The following FCSK variants were observed in gnomAD, a reference collection of about 807,000 sequenced individuals.
The protein encoded by FCSK is L-fucose kinase.
Under a neutral mutation model 122.5 loss-of-function variants are expected in FCSK, and 123 were observed. The observed-to-expected ratio is 1.00, with a 90% confidence interval of 0.87 to 1.17. The LOEUF (loss-of-function observed/expected upper bound fraction) is 1.17, where lower values mean the gene tolerates loss of function less well. Ranked by LOEUF, FCSK falls within the 50% of genes most tolerant of loss-of-function variation. The pLI is 0.00. For missense variants in FCSK, 1,366 were observed against 1,450.4 expected (o/e 0.94, Z 0.95); for synonymous variants, 620 against 625.5 (o/e 0.99, Z 0.13).
chr16:70,467,122 G>A (rs1024158009), intron 6 of FCSK, 168 bp downstream of exon 6: 21 of 705,352 alleles, frequency 3.0e-5, no homozygotes, highest in Non-Finnish European at 5.2e-5. Context: ...TTCTCCTGCT[G>A]TGCCTCAGTC....
chr16:70,468,689 A>G (rs1207165570), intron 8 of FCSK, among the ~76,000 whole-genome samples, 160 bp from the exon 9 acceptor site: 2 of 150,046 alleles, frequency 1.3e-5, no homozygotes, highest in African/African-American at 4.9e-5. Context: ...AGCTACCCCA[A>G]GTAAGCCTGG....
intron 13 of FCSK, among the ~76,000 whole-genome samples, chr16:70,471,677 C>T (rs2048625084): frequency 6.6e-6 from 1 of 152,120 alleles, no homozygotes; most frequent in African/African-American, 2.4e-5. Flanking sequence ...CAGCTCACTG[C>T]AATCTCTGCC....
At chr16:70,474,096 C>G (rs375662017) in intron 15 of FCSK, 33 bp from the exon 16 acceptor site, 51 of 1,542,132 alleles carry the variant, frequency 3.3e-5, no homozygotes, top group Non-Finnish European at 4.3e-5. Flanking sequence ...GACAGGCCTC[C>G]TCCCCTGCCA....
chr16:70,462,228 GC>G (rs1337996434), intron 1 of FCSK: 1 of 152,296 alleles, frequency 6.6e-6, no homozygotes, highest in Non-Finnish European at 1.5e-5. Flanking sequence ...GCTCACTGCA[GC>G]CTTAACCTCC....
chr16:70,474,496 C>T, intron 16 of FCSK, 32 bp from the exon 17 acceptor site: 1 of 1,545,990 alleles, frequency 6.5e-7, no homozygotes, highest in Non-Finnish European at 8.7e-7. Context: ...CTTGGGGCTG[C>T]ATGCCACCAT....
chr16:70,467,549 G>T, intron 7 of FCSK, 78 bp downstream of exon 7: 1 of 1,108,522 alleles, frequency 9.0e-7, no homozygotes. Flanking sequence ...CTGTCAGTGG[G>T]CAGCCTCTCA....
chr16:70,471,914 TC>T (rs1019231124), intron 13 of FCSK, among the ~76,000 whole-genome samples: 7 of 151,978 alleles, frequency 4.6e-5, no homozygotes, highest in South Asian at 2.1e-4. Flanking sequence ...CACGCCATTT[TC>T]CTGCCTCAGC....
chr16:70,479,359 C>A lies in FCSK; in HGVS notation c.3109C>A (p.Pro1037Thr), dbSNP rs370955883. 1.9e-5 allele frequency: 30 copies of A among 1,613,858 alleles called. No homozygotes were observed. Among genetic ancestry groups the A allele is most frequent in the Non-Finnish European group, 2.5e-5 (29 of 1,180,022 alleles). The change falls in exon 23 of 24, where the codon CCA becomes ACA. Residue 1037 changes from proline to threonine, a missense_variant. Physicochemically the swap from Pro to Thr is conservative, Grantham distance 38. Coordinates refer to ENST00000288078, the MANE Select transcript of FCSK (RefSeq NM_145059.3). The part of the protein sequence containing the change: ...GGFLYLLTKE[P>T]QQKEALEAVL... ...CTTTCTCTATCTGTTGACCAAGGAG[C>A]CACAGCAAAAGGAGGCCTTGGAGGC...
At chr16:70,462,771 A>C (rs2048306171) in intron 1 of FCSK, among the ~76,000 whole-genome samples, 1 of 151,412 alleles carries the variant, frequency 6.6e-6, no homozygotes. Context: ...CAGCCTCCCG[A>C]GTAGCTGGGA....
At position 70,478,446 on chromosome 16, in the gene FCSK, G is replaced by A. The variant is rs17886060; in HGVS notation, c.2816G>A (p.Arg939Gln). 0.014 allele frequency: 21,825 copies of A among 1,614,044 alleles called. 180 individuals are homozygous for A. The highest frequency in any genetic ancestry group is 0.015 in the Non-Finnish European group (18,240 of 1,180,028). The change falls in exon 21 of 24, where the codon CGG (arginine) becomes CAG (glutamine). Residue 939 changes from arginine (R) to glutamine (Q), a missense_variant. Coordinates refer to ENST00000288078, the MANE Select transcript of FCSK (RefSeq NM_145059.3). Reference protein sequence around the residue: ...LVYTGKTRLARNLLQDVLRSW... With the variant: ...LVYTGKTRLAQNLLQDVLRSW... ...TACACTGGCAAGACCCGCCTGGCTC[G>A]GAACCTGCTGCAGGTGAGCTCTGGC... is the stretch of plus-strand genomic sequence containing the variant.
intron 1 of FCSK, among the ~76,000 whole-genome samples, chr16:70,458,150 TC>T (rs1322360626): frequency 6.6e-6 from 1 of 150,766 alleles, no homozygotes; most frequent in African/African-American, 2.4e-5. Flanking sequence ...TAATTTTTTT[TC>T]TTTCTTTCTT....
chr16:70,471,325 C>T lies in FCSK; in HGVS notation c.1314C>T (p.Thr438=). 3.1e-6 allele frequency: 5 copies of T among 1,594,578 alleles called. No individual in the cohort carries two copies. The highest frequency in any genetic ancestry group is 4.3e-6 in the Non-Finnish European group (5 of 1,169,550). The change falls in exon 13 of 24, where the codon ACC becomes ACT. Residue 438 remains threonine (T), a synonymous_variant. Coordinates refer to ENST00000288078, the MANE Select transcript of FCSK (RefSeq NM_145059.3). ...ACGGCTCCCCGGGCCACGCCTTCAC[C>T]CTCGTTGGCCGTCTGGACAGCTGGG... is the stretch of plus-strand genomic sequence containing the variant. The part of the protein sequence containing the change: ...RLHGSPGHAF[T]LVGRLDSWER...
rs1254003563 is a variant in FCSK, at chr16:70,471,260, C to A, written c.1249C>A (p.Leu417Met). ...CTCCAAGGCCCTGCATGGCCGGGAGCTGCGTGACCTTGTCCTGCAGGGACA... is the reference window on the plus strand; with the variant it reads ...CTCCAAGGCCCTGCATGGCCGGGAGATGCGTGACCTTGTCCTGCAGGGACA... ...AHSKALHGRE[L>M]RDLVLQGHHT... The change falls in exon 13 of 24, where the codon CTG (leucine) becomes ATG (methionine). Residue 417 changes from leucine to methionine, a missense_variant. By Grantham distance (15) the Leu-to-Met change is conservative. Coordinates refer to ENST00000288078, the MANE Select transcript of FCSK (RefSeq NM_145059.3). 1 of 1,610,032 alleles carries A rather than the reference C, an allele frequency of 6.2e-7. No individual in the cohort carries two copies. The highest frequency in any genetic ancestry group is 1.1e-5 in the South Asian group (1 of 90,464).
At chr16:70,464,699 CAAAAAAA>C (rs774838734) in intron 3 of FCSK, among the ~76,000 whole-genome samples, 2 of 52,852 alleles carry the variant, frequency 3.8e-5, no homozygotes, top group African/African-American at 1.1e-4. Flanking sequence ...GACTGCATCT[CAAAAAAA>C]AAAAAAAAAA....
intron 19 of FCSK, 60 bp downstream of exon 19, chr16:70,475,553 G>T: frequency 6.3e-7 from 1 of 1,590,058 alleles, no homozygotes. Flanking sequence ...CCTTGCCTGT[G>T]ATCCCCCTTC....
chr16:70,468,833 T>C lies in FCSK; in HGVS notation c.664-16T>C. On this transcript the variant is annotated splice_polypyrimidine_tract_variant and intron_variant, in intron 8 of 23. Coordinates refer to ENST00000288078, the MANE Select transcript of FCSK (RefSeq NM_145059.3). ...CCAGGGCCCTCCATCTCTGATCCTT[T>C]TGGGGTCCCTTCCAGGTCTCTGGGG... is the stretch of plus-strand genomic sequence containing the variant. 5.6e-6 allele frequency: 9 copies of C among 1,613,856 alleles called. No homozygotes were observed. Among genetic ancestry groups the C allele is most frequent in the South Asian group, 1.1e-5 (1 of 91,072 alleles).
chr16:70,470,635 T>C (rs2048583553), intron 11 of FCSK, among the ~76,000 whole-genome samples: 1 of 152,208 alleles, frequency 6.6e-6, no homozygotes, highest in Non-Finnish European at 1.5e-5. Flanking sequence ...GGATTCTGCA[T>C]TGAGCTTGCC....
chr16:70,468,697 TG>T, intron 8 of FCSK, 151 bp from the exon 9 acceptor site: 1 of 915,096 alleles, frequency 1.1e-6, no homozygotes, highest in Non-Finnish European at 1.7e-6. Context: ...CAAGTAAGCC[TG>T]GAGTCTGGCT....
At position 70,479,662 on chromosome 16, in the gene FCSK, C is replaced by G. The variant is rs577300553; in HGVS notation, c.3237C>G (p.Thr1079=). 4 of 1,613,938 alleles carry G rather than the reference C, an allele frequency of 2.5e-6. No individual in the cohort carries two copies. In the Admixed American group the frequency reaches 6.7e-5, roughly 27 times the overall value. Residue 1079 remains threonine, a synonymous_variant, in exon 24 of 24, where the codon ACC becomes ACG. Transcript: ENST00000288078. ...SLKLLGTEAS[T]CCPFP Reference sequence around the variant, plus strand: ...AGCTGCTGGGGACCGAGGCCTCAACCTGTTGCCCTTTCCCATGAAGCTGGC... The same window carrying G: ...AGCTGCTGGGGACCGAGGCCTCAACGTGTTGCCCTTTCCCATGAAGCTGGC...
Sources: gnomAD v4.1 joint callset for allele counts (sites outside exome capture counted in the v4.1 genomes callset) on GRCh38, gnomAD v4.1.1 for gene constraint, MANE v1.5 for transcripts, NCBI Gene and HGNC (gene_info 2026-07-23, HGNC 2026-07-21) for gene names.